Variants in AQR observed in about 807,000 individuals in gnomAD.
AQR encodes the protein aquarius intron-binding spliceosomal factor.
Under a neutral mutation model 180.5 loss-of-function variants are expected in AQR, and 61 were observed. The observed-to-expected ratio is 0.34, with a 90% confidence interval of 0.28 to 0.42. AQR has a LOEUF of 0.42. AQR is among the 10% of genes least tolerant of loss of function. The probability of loss-of-function intolerance (pLI) is 1.00; values close to 1 mark genes in which losing one functional copy is unlikely to be tolerated. For missense variants in AQR, 1,281 were observed against 1,798.3 expected (o/e 0.71, Z 5.20); for synonymous variants, 551 against 588.8 (o/e 0.94, Z 0.93).
At chr15:34,958,081 G>A (rs956582220) in intron 3 of AQR, among the ~76,000 whole-genome samples, 4 of 152,204 alleles carry the variant, frequency 2.6e-5, no homozygotes, top group East Asian at 3.9e-4. Context: ...GGTGGCGGGC[G>A]CCTGTAATCC....
intron 30 of AQR, among the ~76,000 whole-genome samples, chr15:34,873,595 C>G (rs1892852668): frequency 6.6e-6 from 1 of 152,114 alleles, no homozygotes; most frequent in African/African-American, 2.4e-5. Context: ...GAAGACCTTT[C>G]TCACTCCAAC....
At chr15:34,873,799 A>G in intron 30 of AQR, 29 bp downstream of exon 30, 1 of 1,509,486 alleles carries the variant, frequency 6.6e-7, no homozygotes, top group African/African-American at 1.4e-5. Flanking sequence ...AATGCAAAAT[A>G]AACTTATAAG....
At chr15:34,883,925 T>C (rs1893014239) in intron 26 of AQR, among the ~76,000 whole-genome samples, 1 of 152,154 alleles carries the variant, frequency 6.6e-6, no homozygotes, top group African/African-American at 2.4e-5. Context: ...CCCCACTATT[T>C]TACTGATCAA....
chr15:34,865,891 G>A (rs534950064), intron 32 of AQR, among the ~76,000 whole-genome samples: 1 of 152,264 alleles, frequency 6.6e-6, no homozygotes, highest in South Asian at 2.1e-4. Context: ...TGGTTGCCAA[G>A]GGTTTGGGGG....
intron 30 of AQR, among the ~76,000 whole-genome samples, chr15:34,871,450 C>T (rs372462400): frequency 6.9e-4 from 101 of 147,176 alleles, no homozygotes; most frequent in African/African-American, 2.2e-3. Flanking sequence ...GAGGTTGTGG[C>T]GAGCTTCAAT....
In AQR at chr15:34,852,684, G is replaced by A. The variant is rs1892532147; in HGVS notation, c.*4108C>T. Reference sequence around the variant, plus strand: ...TCTGAGAGTCTTTAATTAGCTAACAGTGCATTGTGATTCTGCAAAGGAGGA... The same window carrying A: ...TCTGAGAGTCTTTAATTAGCTAACAATGCATTGTGATTCTGCAAAGGAGGA... On this transcript the variant is annotated 3_prime_UTR_variant, in exon 35 of 35. Coordinates refer to ENST00000156471, the MANE Select transcript of AQR (RefSeq NM_014691.3). 6.6e-6 allele frequency: 1 copy of A among 152,188 alleles called. No homozygotes were observed. Among genetic ancestry groups the A allele is most frequent in the African/African-American group, 2.4e-5 (1 of 41,436 alleles). The allele number at this position is 152,188 out of a possible 1,614,324, so 9.4% of individuals were successfully genotyped here. A position where few individuals can be genotyped will look rare whatever the true frequency, so the allele number is the denominator to read the frequency against.
chr15:34,952,323 A>G (rs1894246852), intron 4 of AQR, among the ~76,000 whole-genome samples: 1 of 152,242 alleles, frequency 6.6e-6, no homozygotes, highest in Non-Finnish European at 1.5e-5. Context: ...AGTACTCTGT[A>G]TGTAAAATGC....
At chr15:34,934,662 G>C in intron 9 of AQR, 27 bp from the exon 10 acceptor site, 1 of 1,482,892 alleles carries the variant, frequency 6.7e-7, no homozygotes, top group Non-Finnish European at 9.0e-7. Flanking sequence ...ACGCATGATA[G>C]AATTTCCTTA....
At chr15:34,908,006 C>A (rs1893444785) in intron 17 of AQR, among the ~76,000 whole-genome samples, 1 of 152,174 alleles carries the variant, frequency 6.6e-6, no homozygotes, top group Non-Finnish European at 1.5e-5. Context: ...CTTTCTGGAG[C>A]AAATCTGGCA....
intron 1 of AQR, among the ~76,000 whole-genome samples, chr15:34,968,891 T>C (rs777590376): frequency 9.9e-5 from 15 of 152,212 alleles, no homozygotes; most frequent in Non-Finnish European, 1.5e-4. Context: ...TGATAACTTC[T>C]ACATTGAACT....
At position 34,862,986 on chromosome 15, in the gene AQR, A is replaced by C; in HGVS notation, c.3910T>G (p.Phe1304Val). ...TTTTGGAAGAGGGATACTCTGGCGA[A>C]GATATAAAGTCCAAGTCTGGCTCTA... ...MSRARLGLYI[F>V]ARVSLFQNCF... is the part of the protein sequence containing the mutation. Residue 1304 changes from phenylalanine to valine, a missense_variant, in exon 33 of 35, where the codon TTC becomes GTC. Around this residue, in one of 9 missense-constraint regions of AQR, gnomAD observed 197 missense variants for 320.7 expected, o/e 0.61. Transcript: ENST00000156471. 6.2e-7 allele frequency: 1 copy of C among 1,613,882 alleles called. No individual in the cohort carries two copies.
At chr15:34,944,775 T>C (rs754505509) in intron 5 of AQR, among the ~76,000 whole-genome samples, 1 of 152,236 alleles carries the variant, frequency 6.6e-6, no homozygotes, top group Non-Finnish European at 1.5e-5. Flanking sequence ...CAAAAGAAAC[T>C]ACATCTTTAG....
At chr15:34,961,897 C>G (rs570624550) in intron 2 of AQR, among the ~76,000 whole-genome samples, 8 of 151,890 alleles carry the variant, frequency 5.3e-5, no homozygotes, top group Non-Finnish European at 1.2e-4. Flanking sequence ...ATACAGTGAG[C>G]CTTCACTAAC....
chr15:34,957,832 G>A (rs1383465033), intron 3 of AQR, among the ~76,000 whole-genome samples: 2 of 151,000 alleles, frequency 1.3e-5, no homozygotes, highest in Non-Finnish European at 3.0e-5. Flanking sequence ...TAAAAAACGT[G>A]TCCAAGATAA....
At chr15:34,951,860 T>A (rs1894238875) in intron 4 of AQR, among the ~76,000 whole-genome samples, 1 of 152,154 alleles carries the variant, frequency 6.6e-6, no homozygotes, top group Non-Finnish European at 1.5e-5. Context: ...AGAGCATATT[T>A]ATCTCAGGGC....
At chr15:34,946,892 G>C (rs1316797914) in intron 5 of AQR, among the ~76,000 whole-genome samples, 1 of 148,516 alleles carries the variant, frequency 6.7e-6, no homozygotes, top group Non-Finnish European at 1.5e-5. Flanking sequence ...AGGTGGGGGG[G>C]GTCAGCCCCC....
At chr15:34,935,786 T>A (rs7177962) in intron 9 of AQR, among the ~76,000 whole-genome samples, 117,153 of 152,114 alleles carry the variant, frequency 0.77, 45,705 homozygotes, top group Middle Eastern at 0.87. Context: ...ACTGGAACCC[T>A]GGTTTTCTGA....
intron 8 of AQR, among the ~76,000 whole-genome samples, chr15:34,939,293 T>TC (rs1893989762): frequency 3.3e-5 from 5 of 152,208 alleles, no homozygotes; most frequent in African/African-American, 1.2e-4. Context: ...GTTCTTGAAC[T>TC]CCTGACCTTG....
intron 12 of AQR, among the ~76,000 whole-genome samples, chr15:34,928,048 T>A (rs1377581312): frequency 6.6e-6 from 1 of 152,180 alleles, no homozygotes; most frequent in Admixed American, 6.5e-5. Flanking sequence ...CCACACCAGC[T>A]GTGGTTATTT....
Sources: allele counts gnomAD v4.1 joint callset (sites outside exome capture counted in the v4.1 genomes callset), GRCh38; gene constraint gnomAD v4.1.1; regional missense constraint gnomAD v4.1.1; transcripts MANE v1.5; gene names NCBI Gene and HGNC (gene_info 2026-07-23, HGNC 2026-07-21).